Variants in PRSS38 observed in about 807,000 individuals in gnomAD.
The protein encoded by PRSS38 is serine protease 38.
A neutral mutation model predicts 26.8 loss-of-function variants in PRSS38; 22 were observed. That is an observed-to-expected ratio of 0.82 (90% CI 0.59 to 1.17). The LOEUF (loss-of-function observed/expected upper bound fraction) is 1.17. Among genes scored for constraint, PRSS38 ranks in the 50% most tolerant of loss-of-function variants. PRSS38 has a pLI of 0.00. For missense variants in PRSS38, 427 were observed against 422.7 expected, an observed-to-expected ratio of 1.01 and a Z score of -0.09; for synonymous variants, 175 against 172.1, an observed-to-expected ratio of 1.02 and a Z score of -0.13.
chr1:227,837,738 C>T (rs887560778), intron 3 of PRSS38, among the ~76,000 whole-genome samples: 3 of 152,182 alleles, frequency 2.0e-5, no homozygotes, highest in Admixed American at 1.3e-4. Context: ...CTAGTTGCTG[C>T]ACCTCTTTGC....
chr1:227,845,962 C>CG lies in PRSS38; in HGVS notation c.740dup (p.Leu249ThrfsTer4). The CG allele has an allele frequency of 4.3e-6, 7 of 1,614,088 alleles. No individual in the cohort carries two copies. The highest frequency in any genetic ancestry group is 5.9e-6 in the Non-Finnish European group (7 of 1,180,006). On this transcript the variant is annotated frameshift_variant, in exon 5 of 5. Transcript: ENST00000366757. LOFTEE classifies it low-confidence loss of function (END_TRUNC). ...TCCCTCTTCCTTTCTAGGGCGACTC[C>CG]GGGGGCCCACTTGTCTGTGAATTCA...
At chr1:227,834,029 G>T (rs1044953904) in intron 3 of PRSS38, among the ~76,000 whole-genome samples, 3 of 152,200 alleles carry the variant, frequency 2.0e-5, no homozygotes, top group Non-Finnish European at 2.9e-5. Flanking sequence ...AGGAAGGGGA[G>T]AAGGGACACA....
chr1:227,843,177 T>C (rs1665363885), intron 3 of PRSS38, among the ~76,000 whole-genome samples: 1 of 152,168 alleles, frequency 6.6e-6, no homozygotes, highest in African/African-American at 2.4e-5. Flanking sequence ...AGCACAGGGC[T>C]CCAGGATGCA....
chr1:227,840,710 G>T (rs1235943484), intron 3 of PRSS38, among the ~76,000 whole-genome samples: 2 of 152,114 alleles, frequency 1.3e-5, no homozygotes, highest in African/African-American at 4.8e-5. Context: ...TTGAAAATTG[G>T]CATCTTCTCT....
intron 3 of PRSS38, among the ~76,000 whole-genome samples, chr1:227,843,817 C>G (rs1665374343): frequency 1.3e-5 from 2 of 152,050 alleles, no homozygotes; most frequent in Non-Finnish European, 2.9e-5. Context: ...GTCAGGAGTT[C>G]AAGACCAGCC....
At chr1:227,844,994 C>T (rs1456327284) in intron 3 of PRSS38, among the ~76,000 whole-genome samples, 1 of 145,096 alleles carries the variant, frequency 6.9e-6, no homozygotes, top group Non-Finnish European at 1.5e-5. Flanking sequence ...TAGTGGGGCT[C>T]CTCCCTATGT....
In PRSS38 at chr1:227,817,206, C is replaced by G; in HGVS notation, c.312-3C>G. Reference sequence around the variant, plus strand: ...CATTGTACCTCTGTTCTCACCCCCACAGGGACAAGAATATCAAAATCTATG... The same window carrying G: ...CATTGTACCTCTGTTCTCACCCCCAGAGGGACAAGAATATCAAAATCTATG... On this transcript the variant is annotated splice_region_variant and splice_polypyrimidine_tract_variant and intron_variant, in intron 2 of 4. Coordinates refer to ENST00000366757, the Ensembl canonical transcript of PRSS38. The G allele has an allele frequency of 6.2e-7, 1 of 1,611,764 alleles. No homozygotes were observed. The highest frequency in any genetic ancestry group is 8.5e-7 in the Non-Finnish European group (1 of 1,178,202).
At chr1:227,846,402 T>C (rs985325364) in exon 5 of PRSS38, 3 of 682,344 alleles carry the variant, frequency 4.4e-6, no homozygotes, top group Non-Finnish European at 4.8e-6. Context: ...GAGGGGCTGG[T>C]CAGGGAGAAC....
At position 227,838,258 on chromosome 1, in the gene PRSS38, G is replaced by A. The variant is rs561619201; in HGVS notation, c.584-7212G>A. ...GTTTTGAATTTAATTTTTATATTTA[G>A]GCATAAGATCCATCTGAAATTAATT... On this transcript the variant is annotated intron_variant, in intron 3 of 4. Coordinates refer to ENST00000366757, the Ensembl canonical transcript of PRSS38. 5.3e-5 allele frequency among the ~76,000 whole-genome samples: 8 copies of A among 152,156 alleles called. No homozygotes were observed. In the East Asian group the frequency reaches 9.7e-4, roughly 18 times the overall value.
rs1229875689 is a variant in PRSS38 at position 227,817,192 on chromosome 1, T to TG, written c.312-16dup. Reference sequence around the variant, plus strand: ...CAGGAAGCTGCGGGCATTGTACCTCTGTTCTCACCCCCACAGGGACAAGAA... The same window carrying TG: ...CAGGAAGCTGCGGGCATTGTACCTCTGGTTCTCACCCCCACAGGGACAAGAA... On this transcript the variant is annotated splice_polypyrimidine_tract_variant and intron_variant, in intron 2 of 4. Transcript: ENST00000366757. 1 of 1,607,776 alleles carries TG rather than the reference T, an allele frequency of 6.2e-7. No homozygotes were observed. Among genetic ancestry groups the TG allele is most frequent in the Admixed American group, 1.7e-5 (1 of 59,928 alleles).
chr1:227,817,228 T>C (rs1664933422), exon 3 of PRSS38: 1 of 1,613,522 alleles, frequency 6.2e-7, no homozygotes, highest in South Asian at 1.1e-5. Flanking sequence ...TATCAAAATC[T>C]ATGACATGTA....
chr1:227,834,759 G>T (rs924496485), intron 3 of PRSS38, among the ~76,000 whole-genome samples: 6 of 152,256 alleles, frequency 3.9e-5, no homozygotes, highest in Admixed American at 6.5e-5. Flanking sequence ...GAGCTCAGCG[G>T]GTCGAGGCTG....
intron 3 of PRSS38, among the ~76,000 whole-genome samples, chr1:227,835,217 A>G (rs1249001386): frequency 6.6e-6 from 1 of 152,212 alleles, no homozygotes; most frequent in African/African-American, 2.4e-5. Context: ...GCCCTCGTTC[A>G]TTGCTGGTGG....
chr1:227,837,129 T>G (rs1419613488), intron 3 of PRSS38, among the ~76,000 whole-genome samples: 2 of 152,212 alleles, frequency 1.3e-5, no homozygotes, highest in Non-Finnish European at 2.9e-5. Context: ...GAGCTGGGAC[T>G]ACAGGCGTGC....
rs1363335006 is a variant in PRSS38, at chr1:227,846,010, AATTGTGAGCT to A, written c.784_793del (p.Ile262GlyfsTer28). ...TCAACCGCAGCTGGTTGCAGATTGG[AATTGTGAGCT>A]GGGGCCGAGGCTGCTCCAACCCTCT... is the stretch of plus-strand genomic sequence containing the variant. On this transcript the variant is annotated frameshift_variant, in exon 5 of 5. Coordinates refer to ENST00000366757, the Ensembl canonical transcript of PRSS38. LOFTEE classifies it low-confidence loss of function (END_TRUNC). The A allele has an allele frequency of 6.2e-7, 1 of 1,614,126 alleles. No homozygotes were observed.
intron 1 of PRSS38, 68 bp downstream of exon 1, chr1:227,815,932 GC>G: frequency 6.5e-7 from 1 of 1,535,986 alleles, no homozygotes; most frequent in Non-Finnish European, 8.8e-7. Flanking sequence ...TCGGTGCTGG[GC>G]CTCCTCCCCC....
intron 3 of PRSS38, among the ~76,000 whole-genome samples, chr1:227,844,690 C>T (rs987098319): frequency 6.9e-6 from 1 of 145,314 alleles, no homozygotes; most frequent in Non-Finnish European, 1.5e-5. Context: ...AGGGCTTTTC[C>T]CTATGTGTGG....
chr1:227,828,530 C>T (rs532998025), intron 3 of PRSS38, among the ~76,000 whole-genome samples: 11 of 152,252 alleles, frequency 7.2e-5, no homozygotes, highest in South Asian at 4.1e-4. Context: ...GCCTGCCAGT[C>T]GCGATAGGCT....
At chr1:227,846,464 A>G in exon 5 of PRSS38, 1 of 541,802 alleles carries the variant, frequency 1.8e-6, no homozygotes. Context: ...AAATATTTAC[A>G]AAGCAAGCCT....
Sources: allele counts gnomAD v4.1 joint callset (sites outside exome capture counted in the v4.1 genomes callset), GRCh38; gene constraint gnomAD v4.1.1; transcripts MANE v1.5; gene names NCBI Gene and HGNC (gene_info 2026-07-23, HGNC 2026-07-21).